RORB: variants seen among roughly 807,000 people sequenced by gnomAD.
RORB encodes the protein RAR related orphan receptor B.
A neutral mutation model predicts 59.1 loss-of-function variants in RORB; 6 were observed. That is an observed-to-expected ratio of 0.10 (90% confidence interval 0.06 to 0.20). The LOEUF (loss-of-function observed/expected upper bound fraction) is 0.20. RORB is among the 10% of genes least tolerant of loss of function. The pLI, the probability that RORB is intolerant of heterozygous loss-of-function variation, is 1.00. For synonymous variants in RORB, 215 were observed against 204.5 expected (o/e 1.05, Z -0.44); for missense variants, 320 against 560.5 (o/e 0.57, Z 4.33).
chr9:74,623,715 AT>A (rs1386726269), intron 1 of RORB, among the ~76,000 whole-genome samples: 22 of 152,228 alleles, frequency 1.4e-4, no homozygotes, highest in African/African-American at 4.8e-4. Context: ...TTTTACCATG[AT>A]CCCCGGAGAT....
At chr9:74,679,971 T>C (rs1824518358) in intron 9 of RORB, among the ~76,000 whole-genome samples, 1 of 151,920 alleles carries the variant, frequency 6.6e-6, no homozygotes, top group South Asian at 2.1e-4. Flanking sequence ...GGCATGGTGG[T>C]GCGCATCTGT....
At chr9:74,577,226 T>C (rs886953715) in intron 1 of RORB, among the ~76,000 whole-genome samples, 3 of 152,138 alleles carry the variant, frequency 2.0e-5, no homozygotes, top group Non-Finnish European at 4.4e-5. Context: ...ATCAGTTCTA[T>C]GAATTGGACT....
rs189228235 is a variant in RORB, at chr9:74,615,221, C to T, written c.8-15061C>T. On this transcript the variant is annotated intron_variant, in intron 1 of 9. Coordinates refer to ENST00000376896, the MANE Select transcript of RORB (RefSeq NM_006914.4). ...CACAGGGATAACTTTTGTTACATGC[C>T]ATATGCATATCGAATCTGTTTCCAA... 1.7e-3 allele frequency among the ~76,000 whole-genome samples: 265 copies of T among 152,198 alleles called. 2 individuals are homozygous for T. The highest frequency in any genetic ancestry group is 5.7e-3 in the African/African-American group (235 of 41,526).
At chr9:74,636,563 AGAAG>A (rs1823707155) in intron 3 of RORB, among the ~76,000 whole-genome samples, 1 of 152,196 alleles carries the variant, frequency 6.6e-6, no homozygotes, top group African/African-American at 2.4e-5. Context: ...TTTATTCTCA[AGAAG>A]GAAGGAATTC....
At chr9:74,647,165 A>C (rs1823914057) in intron 4 of RORB, among the ~76,000 whole-genome samples, 1 of 152,156 alleles carries the variant, frequency 6.6e-6, no homozygotes, top group African/African-American at 2.4e-5. Flanking sequence ...GGCGTGATGG[A>C]TGTGTTACAT....
intron 2 of RORB, 63 bp from the exon 3 acceptor site, chr9:74,634,568 A>G: frequency 6.9e-7 from 1 of 1,447,162 alleles, no homozygotes; most frequent in South Asian, 1.4e-5. Context: ...AAATGTATAC[A>G]TTAATGTTCT....
At chr9:74,617,965 A>C in intron 1 of RORB, among the ~76,000 whole-genome samples, 1 of 152,222 alleles carries the variant, frequency 6.6e-6, no homozygotes, top group Admixed American at 6.5e-5. Flanking sequence ...TTTTATTTCA[A>C]GATTCAATTC....
At chr9:74,560,885 T>C (rs1475971022) in intron 1 of RORB, among the ~76,000 whole-genome samples, 2 of 152,188 alleles carry the variant, frequency 1.3e-5, no homozygotes, top group African/African-American at 2.4e-5. Context: ...CCTGGGAATG[T>C]ATACTGTTTG....
chr9:74,556,364 GC>G, intron 1 of RORB, among the ~76,000 whole-genome samples: 1 of 152,288 alleles, frequency 6.6e-6, no homozygotes, highest in South Asian at 2.1e-4. Flanking sequence ...AGTAAAATGA[GC>G]CTTTCAAAAG....
At chr9:74,672,294 AAAAG>A (rs1824359922) in intron 9 of RORB, among the ~76,000 whole-genome samples, 2 of 152,198 alleles carry the variant, frequency 1.3e-5, no homozygotes, top group South Asian at 4.1e-4. Context: ...TTTATTCAAA[AAAAG>A]AAAGAACAAT....
intron 2 of RORB, among the ~76,000 whole-genome samples, chr9:74,630,879 C>A (rs956388073): frequency 4.0e-5 from 6 of 151,520 alleles, no homozygotes; most frequent in Admixed American, 1.3e-4. Context: ...ATGTTAGAAG[C>A]CGAAAAGATT....
intron 1 of RORB, among the ~76,000 whole-genome samples, chr9:74,610,786 C>T (rs1823221980): frequency 6.6e-6 from 1 of 152,160 alleles, no homozygotes; most frequent in Non-Finnish European, 1.5e-5. Context: ...CATGAGCATG[C>T]CTCAGAACCA....
At chr9:74,529,157 A>G (rs2118091972) in intron 1 of RORB, among the ~76,000 whole-genome samples, 1 of 152,110 alleles carries the variant, frequency 6.6e-6, no homozygotes, top group African/African-American at 2.4e-5. Flanking sequence ...CCAAGCATGG[A>G]CTTTTAGATG....
At chr9:74,582,780 C>T (rs1822743364) in intron 1 of RORB, among the ~76,000 whole-genome samples, 1 of 152,138 alleles carries the variant, frequency 6.6e-6, no homozygotes, top group African/African-American at 2.4e-5. Context: ...ATTATCTACC[C>T]AAGCCTCAGA....
chr9:74,676,231 C>T (rs977236064), intron 9 of RORB, among the ~76,000 whole-genome samples: 3 of 152,178 alleles, frequency 2.0e-5, no homozygotes, highest in Middle Eastern at 3.2e-3. Context: ...CCTTTTGTGC[C>T]TCCTGGTTAA....
chr9:74,502,059 T>G (rs1825811430), intron 1 of RORB, among the ~76,000 whole-genome samples: 1 of 152,176 alleles, frequency 6.6e-6, no homozygotes, highest in East Asian at 1.9e-4. Flanking sequence ...AATAAAAACA[T>G]TATTTTATAC....
chr9:74,508,430 G>T (rs78677594), intron 1 of RORB, among the ~76,000 whole-genome samples: 1 of 152,086 alleles, frequency 6.6e-6, no homozygotes. Flanking sequence ...CACCAAAATT[G>T]TACTGTATCC....
At chr9:74,590,863 C>A (rs111699270) in intron 1 of RORB, among the ~76,000 whole-genome samples, 1 of 152,300 alleles carries the variant, frequency 6.6e-6, no homozygotes, top group African/African-American at 2.4e-5. Flanking sequence ...GTGGTGCAAT[C>A]TTGGCTCACT....
intron 9 of RORB, among the ~76,000 whole-genome samples, chr9:74,678,685 A>G (rs573628523): frequency 5.9e-4 from 90 of 152,282 alleles, no homozygotes; most frequent in African/African-American, 2.0e-3. Flanking sequence ...ACAAAAGGTC[A>G]TTTATGGTTA....
Sources: allele counts gnomAD v4.1 joint callset (sites outside exome capture counted in the v4.1 genomes callset), GRCh38; gene constraint gnomAD v4.1.1; transcripts MANE v1.5; gene names NCBI Gene and HGNC (gene_info 2026-07-23, HGNC 2026-07-21).